Variants in SORL1 observed in about 807,000 individuals in gnomAD.
The protein encoded by SORL1 is sortilin related receptor 1.
A neutral mutation model predicts 273.7 loss-of-function variants in SORL1; 127 were observed. The observed-to-expected ratio is 0.46, with a 90% CI of 0.40 to 0.54. SORL1 has a LOEUF of 0.54. Among genes scored for constraint, SORL1 ranks in the 20% least tolerant of loss-of-function variants. The probability of loss-of-function intolerance (pLI) is 0.00; values close to 1 mark genes in which losing one functional copy is unlikely to be tolerated. For synonymous variants in SORL1, 1,031 were observed against 1,067.4 expected, an observed-to-expected ratio of 0.97 and a Z score of 0.66; for missense variants, 2,494 against 2,846.1, an observed-to-expected ratio of 0.88 and a Z score of 2.81.
chr11:121,529,279 T>A (rs997523088), intron 11 of SORL1, among the ~76,000 whole-genome samples: 1 of 152,130 alleles, frequency 6.6e-6, no homozygotes, highest in African/African-American at 2.4e-5. Context: ...TGCAATGGTA[T>A]GATCTCGGCT....
chr11:121,600,744 G>A (rs1863375800), intron 32 of SORL1, among the ~76,000 whole-genome samples: 1 of 152,124 alleles, frequency 6.6e-6, no homozygotes, highest in African/African-American at 2.4e-5. Context: ...AGATTAGTGT[G>A]GTGCGATTCT....
chr11:121,540,110 A>AC (rs1565329160), intron 12 of SORL1, among the ~76,000 whole-genome samples: 1 of 152,192 alleles, frequency 6.6e-6, no homozygotes, highest in Non-Finnish European at 1.5e-5. Flanking sequence ...TGGTTATATG[A>AC]CCTTTTTTCC....
chr11:121,569,810 C>T (rs1862809845), intron 22 of SORL1, among the ~76,000 whole-genome samples: 1 of 152,166 alleles, frequency 6.6e-6, no homozygotes, highest in Non-Finnish European at 1.5e-5. Context: ...GTGACCCACA[C>T]CTTATTCGTA....
chr11:121,511,115 T>G (rs550147568), intron 6 of SORL1, among the ~76,000 whole-genome samples: 5 of 152,264 alleles, frequency 3.3e-5, no homozygotes, highest in African/African-American at 9.6e-5. Context: ...CCATTAAGAA[T>G]GAACCTGAAT....
At chr11:121,559,778 C>T (rs1862644409) in intron 21 of SORL1, 121 bp downstream of exon 21, 1 of 781,730 alleles carries the variant, frequency 1.3e-6, no homozygotes, top group South Asian at 1.8e-5. Flanking sequence ...CGACAACATG[C>T]ACATTATTTA....
chr11:121,478,240 G>A lies in SORL1; in HGVS notation c.525G>A (p.Lys175=). Residue 175 remains lysine (K), a synonymous_variant, in exon 3 of 48, where the codon AAG becomes AAA. Coordinates refer to ENST00000260197, the MANE Select transcript of SORL1 (RefSeq NM_003105.6). ...TCTACCACAGCCCTGCGGACAACAA[G>A]CGGGTAAGGAAGTGGCCATCCCTCC... The part of the protein sequence containing the change: ...AQFYHSPADN[K]RYIFADAYAQ... The A allele has an allele frequency of 6.2e-7, 1 of 1,613,978 alleles. No individual in the cohort carries two copies. The highest frequency in any genetic ancestry group is 8.5e-7 in the Non-Finnish European group (1 of 1,180,002).
intron 25 of SORL1, among the ~76,000 whole-genome samples, chr11:121,580,473 A>T (rs947940149): frequency 6.6e-6 from 1 of 151,364 alleles, no homozygotes; most frequent in East Asian, 1.9e-4. Context: ...TGTATCTAGA[A>T]TTTCTGTTTG....
In SORL1 at chr11:121,482,875, G is replaced by T. The variant is rs149085226; in HGVS notation, c.528+4632G>T. ...CTAGCGCGGCATCCAGTTCCAGTCCGAAGGCTTTGCCTTGTGATGGAGATG... is the reference window on the plus strand; with the variant it reads ...CTAGCGCGGCATCCAGTTCCAGTCCTAAGGCTTTGCCTTGTGATGGAGATG... On this transcript the variant is annotated intron_variant, in intron 3 of 47. Transcript: ENST00000260197. Among the ~76,000 whole-genome samples, 776 of 152,342 alleles carry T rather than the reference G, an allele frequency of 5.1e-3. 4 individuals are homozygous for T. The highest frequency in any genetic ancestry group is 0.018 in the African/African-American group (731 of 41,578).
intron 3 of SORL1, among the ~76,000 whole-genome samples, chr11:121,485,074 C>T (rs536366925): frequency 1.4e-4 from 21 of 152,148 alleles, no homozygotes; most frequent in African/African-American, 4.6e-4. Flanking sequence ...TTCTTAAGGG[C>T]GGTGGTTGAA....
intron 40 of SORL1, among the ~76,000 whole-genome samples, 191 bp downstream of exon 40, chr11:121,613,023 C>T (rs1863589433): frequency 1.3e-5 from 2 of 152,200 alleles, no homozygotes; most frequent in Admixed American, 6.5e-5. Context: ...GGGATTCACT[C>T]AGTGGCCCCT....
intron 1 of SORL1, among the ~76,000 whole-genome samples, chr11:121,457,329 G>A (rs968384863): frequency 6.6e-6 from 1 of 152,188 alleles, no homozygotes; most frequent in East Asian, 1.9e-4. Context: ...GTACAAAAGC[G>A]TATGTGGTAA....
chr11:121,558,049 C>T (rs1792580864), intron 19 of SORL1, among the ~76,000 whole-genome samples: 2 of 152,190 alleles, frequency 1.3e-5, no homozygotes, highest in African/African-American at 2.4e-5. Context: ...TCATTCTTAA[C>T]CCTTTACCCT....
rs951137732 is a variant in SORL1 at position 121,563,026 on chromosome 11, G to A, written c.3049+3369G>A. Among the ~76,000 whole-genome samples the A allele has an allele frequency of 3.9e-5, 6 of 152,196 alleles. No homozygotes were observed. Among genetic ancestry groups the A allele is most frequent in the Admixed American group, 2.6e-4 (4 of 15,292 alleles). ...GCTGTGTTATAAGTACCACAGTAAT[G>A]TGCTTTGTGGGCTTGTATAACCTCA... On this transcript the variant is annotated intron_variant, in intron 21 of 47. Transcript: ENST00000260197. The surrounding 1 kb of genome is among the most constrained non-coding windows in gnomAD (Gnocchi z 4.2).
chr11:121,622,693 C>T (rs933029950), intron 45 of SORL1, among the ~76,000 whole-genome samples: 18 of 152,202 alleles, frequency 1.2e-4, no homozygotes, highest in Admixed American at 7.2e-4. Context: ...CACTCTCTTC[C>T]CAGATAAATT....
chr11:121,462,079 G>A lies in SORL1; in HGVS notation c.286-7928G>A, dbSNP rs958193410. Reference sequence around the variant, plus strand: ...CCCGTAGTTAGACAGGTGGTAAACCGGAGAGAACAAGACTCAAACCAACCC... The same window carrying A: ...CCCGTAGTTAGACAGGTGGTAAACCAGAGAGAACAAGACTCAAACCAACCC... On this transcript the variant is annotated intron_variant, in intron 1 of 47. Transcript: ENST00000260197. Among the ~76,000 whole-genome samples, 4 of 152,218 alleles carry A rather than the reference G, an allele frequency of 2.6e-5. No individual in the cohort carries two copies. The East Asian group carries it at 5.8e-4, about 22-fold the overall frequency.
At chr11:121,459,524 G>C (rs1860958439) in intron 1 of SORL1, among the ~76,000 whole-genome samples, 1 of 152,176 alleles carries the variant, frequency 6.6e-6, no homozygotes, top group South Asian at 2.1e-4. Flanking sequence ...CCGGTGGTTG[G>C]CTCTAGGGCA....
chr11:121,464,071 G>A (rs1861045755), intron 1 of SORL1, among the ~76,000 whole-genome samples: 1 of 152,172 alleles, frequency 6.6e-6, no homozygotes, highest in South Asian at 2.1e-4. Context: ...TTTTAAAAAC[G>A]CTTCTTTGTA....
chr11:121,520,612 G>A (rs1357696667), intron 8 of SORL1, 45 bp from the exon 9 acceptor site: 1 of 1,328,768 alleles, frequency 7.5e-7, no homozygotes, highest in African/African-American at 1.5e-5. Context: ...ACAATAACAA[G>A]CAAATACCAA....
At chr11:121,565,989 C>T (rs1036065053) in intron 21 of SORL1, among the ~76,000 whole-genome samples, 4 of 152,170 alleles carry the variant, frequency 2.6e-5, no homozygotes, top group Admixed American at 1.3e-4. Context: ...GTTGGCTCCT[C>T]CTTTAGCTCT....
Sources: gnomAD v4.1 joint callset for allele counts (sites outside exome capture counted in the v4.1 genomes callset) on GRCh38, gnomAD v4.1.1 for gene constraint, Gnocchi (gnomAD v3.1) non-coding constraint, MANE v1.5 for transcripts, NCBI Gene and HGNC (gene_info 2026-07-23, HGNC 2026-07-21) for gene names.